ERC1: variants seen among roughly 807,000 people sequenced by gnomAD.
The protein encoded by ERC1 is RAB6 interacting protein 2.
Under a neutral mutation model 132.0 loss-of-function variants are expected in ERC1, and 56 were observed. The ratio of observed to expected loss-of-function variants is 0.42; its 90% CI spans 0.34 to 0.53. The LOEUF is 0.53. Among genes scored for constraint, ERC1 ranks in the 20% least tolerant of loss-of-function variants. The probability of loss-of-function intolerance (pLI) is 0.03; values close to 1 mark genes in which losing one functional copy is unlikely to be tolerated. For missense variants in ERC1, 1,202 were observed against 1,349.9 expected (o/e 0.89, Z 1.72); for synonymous variants, 478 against 476.1 (o/e 1.00, Z -0.05).
At chr12:1,247,998 AAAAAAT>A (rs1175488727) in intron 13 of ERC1, among the ~76,000 whole-genome samples, 79 of 152,322 alleles carry the variant, frequency 5.2e-4, no homozygotes, top group African/African-American at 1.8e-3. Context: ...CTGCATCTCA[AAAAAAT>A]AAAAATAAAA....
At chr12:1,288,945 C>G (rs985408496) in intron 14 of ERC1, among the ~76,000 whole-genome samples, 1 of 150,906 alleles carries the variant, frequency 6.6e-6, no homozygotes, top group African/African-American at 2.4e-5. Context: ...CTCTTAGTTT[C>G]TTTTCCTTAT....
At chr12:1,204,959 C>T (rs939065790) in intron 12 of ERC1, among the ~76,000 whole-genome samples, 1 of 152,038 alleles carries the variant, frequency 6.6e-6, no homozygotes. Context: ...ACACACACAC[C>T]CACATCCTTT....
chr12:1,413,929 C>T (rs1202390669), intron 17 of ERC1, among the ~76,000 whole-genome samples: 3 of 152,186 alleles, frequency 2.0e-5, no homozygotes, highest in South Asian at 4.1e-4. Context: ...AGTTTTTCCA[C>T]AACGGGGGCT....
chr12:1,326,269 G>A (rs1055520323), intron 15 of ERC1, among the ~76,000 whole-genome samples: 5 of 152,120 alleles, frequency 3.3e-5, no homozygotes, highest in Non-Finnish European at 5.9e-5. Flanking sequence ...AGGTAAGTCA[G>A]AATCTGGCCC....
intron 17 of ERC1, among the ~76,000 whole-genome samples, chr12:1,415,162 A>G (rs2092053305): frequency 6.6e-6 from 1 of 152,228 alleles, no homozygotes. Context: ...TCCTTCGGGT[A>G]GAAACTTTCC....
intron 18 of ERC1, among the ~76,000 whole-genome samples, chr12:1,483,668 CTTTTTTTTTTT>C (rs35596394): frequency 0.018 from 990 of 55,222 alleles, 162 homozygotes; most frequent in African/African-American, 0.053. Context: ...CCACTGAGAG[CTTTTTTTTTTT>C]TTTTTTTTTT....
At chr12:1,133,150 A>G (rs1329281002) in intron 7 of ERC1, among the ~76,000 whole-genome samples, 1 of 58,096 alleles carries the variant, frequency 1.7e-5, no homozygotes, top group East Asian at 6.0e-4. Context: ...GAGCCACCAC[A>G]CCTGGCCGGT....
At chr12:1,063,146 C>T (rs1785986465) in intron 2 of ERC1, among the ~76,000 whole-genome samples, 1 of 152,178 alleles carries the variant, frequency 6.6e-6, no homozygotes, top group Admixed American at 6.5e-5. Flanking sequence ...TGGCTCACTG[C>T]AATCTCTGCC....
rs557089493 is a variant in ERC1, at chr12:1,357,098, A to G, written c.2781-14735A>G. 1.2e-4 allele frequency among the ~76,000 whole-genome samples: 18 copies of G among 152,298 alleles called. 1 individual carries two copies. The highest frequency in any genetic ancestry group is 4.3e-4 in the African/African-American group (18 of 41,574). ...AAGCTTCCTATACAGCTATAGGAGTATATCTCGGATACTTACGCATTGGAG... is the reference window on the plus strand; with the variant it reads ...AAGCTTCCTATACAGCTATAGGAGTGTATCTCGGATACTTACGCATTGGAG... On this transcript the variant is annotated intron_variant, in intron 15 of 18. Coordinates refer to ENST00000360905, the MANE Select transcript of ERC1 (RefSeq NM_178040.4).
intron 13 of ERC1, among the ~76,000 whole-genome samples, chr12:1,240,425 G>T (rs148500609): frequency 1.1e-4 from 16 of 152,088 alleles, no homozygotes; most frequent in Admixed American, 7.9e-4. Flanking sequence ...TGAAACTTTC[G>T]TATCTGTAAA....
At position 1,183,402 on chromosome 12, in the gene ERC1, TG is replaced by T; in HGVS notation, c.2140del (p.Glu714AsnfsTer4). ...LEQKKEECLK[M>X]ESQLKKAHEA... ...CAGAAGAAGGAGGAGTGTCTGAAAA[TG>T]GAATCACAATTGAAAAAGGTTAAAG... On this transcript the variant is annotated frameshift_variant, in exon 11 of 19. Coordinates refer to ENST00000360905, the MANE Select transcript of ERC1 (RefSeq NM_178040.4). LOFTEE classifies it high-confidence loss of function. 1.3e-6 allele frequency: 2 copies of T among 1,575,086 alleles called. No homozygotes were observed. Among genetic ancestry groups the T allele is most frequent in the Non-Finnish European group, 8.7e-7 (1 of 1,155,358 alleles).
chr12:1,481,595 T>G (rs879744272), intron 18 of ERC1, among the ~76,000 whole-genome samples: 5 of 152,216 alleles, frequency 3.3e-5, no homozygotes, highest in Non-Finnish European at 7.3e-5. Context: ...ATTTGAACCA[T>G]GCCTAATCCC....
At chr12:1,171,356 C>CTTTT (rs57007848) in intron 8 of ERC1, among the ~76,000 whole-genome samples, 60 of 86,820 alleles carry the variant, frequency 6.9e-4, no homozygotes, top group Middle Eastern at 7.9e-3. Flanking sequence ...GCAAAACATT[C>CTTTT]TTTTTTTTTT....
intron 14 of ERC1, among the ~76,000 whole-genome samples, chr12:1,284,264 T>TTGTGTG (rs1566481660): frequency 6.5e-5 from 6 of 92,208 alleles, no homozygotes; most frequent in Non-Finnish European, 1.4e-4. Flanking sequence ...TGAATAGTAT[T>TTGTGTG]CGTGTGTGTG....
intron 2 of ERC1, among the ~76,000 whole-genome samples, chr12:1,061,742 G>A (rs1937967878): frequency 6.7e-6 from 1 of 150,000 alleles, no homozygotes; most frequent in Non-Finnish European, 1.5e-5. Flanking sequence ...TCCATCTCTT[G>A]CTTTCTCTTT....
intron 8 of ERC1, among the ~76,000 whole-genome samples, chr12:1,145,206 G>A (rs558451016): frequency 2.6e-5 from 4 of 151,976 alleles, no homozygotes; most frequent in East Asian, 1.9e-4. Flanking sequence ...TAGTCGAGAC[G>A]GGGTTTCACC....
intron 12 of ERC1, among the ~76,000 whole-genome samples, chr12:1,232,267 A>T (rs2075101220): frequency 6.6e-6 from 1 of 152,134 alleles, no homozygotes; most frequent in Non-Finnish European, 1.5e-5. Context: ...ATTTTTCAGA[A>T]TTCAATTATA....
intron 1 of ERC1, among the ~76,000 whole-genome samples, chr12:1,008,324 G>A (rs1256870995): frequency 6.6e-6 from 1 of 152,102 alleles, no homozygotes; most frequent in Non-Finnish European, 1.5e-5. Context: ...AAAATTTTTA[G>A]TAGCCACATT....
At position 1,397,620 on chromosome 12, in the gene ERC1, T is replaced by A. The variant is rs952095472; in HGVS notation, c.2926-10529T>A. The stretch of plus-strand genomic sequence containing the variant: ...GGGAACATGTGCAATTATATGAGTA[T>A]ATGATTGCTAATAATTGCAAGAAGA... On this transcript the variant is annotated intron_variant, in intron 16 of 18. Coordinates refer to ENST00000360905, the MANE Select transcript of ERC1 (RefSeq NM_178040.4). 1.3e-5 allele frequency among the ~76,000 whole-genome samples: 2 copies of A among 152,186 alleles called. 1 individual carries two copies. The highest frequency in any genetic ancestry group is 4.1e-4 in the South Asian group (2 of 4,832).
Sources: allele counts gnomAD v4.1 joint callset (sites outside exome capture counted in the v4.1 genomes callset), GRCh38; gene constraint gnomAD v4.1.1; transcripts MANE v1.5; gene names NCBI Gene and HGNC (gene_info 2026-07-23, HGNC 2026-07-21).